The following ATP9B variants were observed in gnomAD, a reference collection of about 807,000 sequenced individuals.
ATP9B encodes the protein probable phospholipid-transporting ATPase IIB.
A neutral mutation model predicts 146.1 loss-of-function variants in ATP9B; 110 were observed. The ratio of observed to expected loss-of-function variants is 0.75; its 90% CI spans 0.65 to 0.88. The LOEUF (loss-of-function observed/expected upper bound fraction) is 0.88, where lower values mean the gene tolerates loss of function less well. ATP9B is among the 40% of genes least tolerant of loss of function. ATP9B has a pLI of 0.00. For synonymous variants in ATP9B, 604 were observed against 569.7 expected (o/e 1.06, Z -0.86); for missense variants, 1,499 against 1,496.4 (o/e 1.00, Z -0.03).
At chr18:79,296,226 G>A (rs527411603) in intron 13 of ATP9B, among the ~76,000 whole-genome samples, 68 of 152,174 alleles carry the variant, frequency 4.5e-4, no homozygotes, top group Non-Finnish European at 7.1e-4. Flanking sequence ...GTGTTGCTCA[G>A]GCTGGTCTTG....
chr18:79,250,887 A>G (rs2096016144), intron 11 of ATP9B, among the ~76,000 whole-genome samples: 1 of 152,170 alleles, frequency 6.6e-6, no homozygotes, highest in South Asian at 2.1e-4. Flanking sequence ...GAGCTCCGAG[A>G]TGCTGCTGTG....
chr18:79,337,764 G>T (rs576798891), intron 19 of ATP9B, among the ~76,000 whole-genome samples: 27 of 152,336 alleles, frequency 1.8e-4, no homozygotes, highest in African/African-American at 6.5e-4. Context: ...CCCAGGGATG[G>T]TTATGCACCC....
chr18:79,126,961 T>G (rs373815441), intron 5 of ATP9B, among the ~76,000 whole-genome samples: 1 of 151,824 alleles, frequency 6.6e-6, no homozygotes, highest in Non-Finnish European at 1.5e-5. Context: ...AAGAAGAGAG[T>G]GGGGGAAACG....
At position 79,327,674 on chromosome 18, in the gene ATP9B, G is replaced by A. The variant is rs568836081; in HGVS notation, c.1774-1467G>A. Among the ~76,000 whole-genome samples the A allele has an allele frequency of 1.7e-3, 244 of 140,756 alleles. 5 individuals carry two copies. The highest frequency in any genetic ancestry group is 2.7e-3 in the Non-Finnish European group (177 of 65,138). The allele number at this position is 140,756 out of a possible 152,430, so 92.3% of individuals were successfully genotyped here. On this transcript the variant is annotated intron_variant, in intron 15 of 29. Coordinates refer to ENST00000426216, the MANE Select transcript of ATP9B (RefSeq NM_198531.5). ...GCTCTCCGTGTTTAGCGTGCTCTCC[G>A]TGGTTAGCGTGCTCTCCGTGGTTAG...
At chr18:79,351,383 G>A (rs7235858) in intron 25 of ATP9B, among the ~76,000 whole-genome samples, 30,418 of 152,118 alleles carry the variant, frequency 0.2, 3,252 homozygotes, top group African/African-American at 0.28. Flanking sequence ...CTGAGTGTCC[G>A]TCACAAAAGA....
At chr18:79,233,264 C>T (rs1479248712) in intron 11 of ATP9B, among the ~76,000 whole-genome samples, 1 of 152,006 alleles carries the variant, frequency 6.6e-6, no homozygotes, top group African/African-American at 2.4e-5. Flanking sequence ...TGCACTCCAC[C>T]TGGGCAACAG....
At chr18:79,200,443 TGAAGAA>T (rs1404700428) in intron 9 of ATP9B, among the ~76,000 whole-genome samples, 1 of 152,214 alleles carries the variant, frequency 6.6e-6, no homozygotes, top group African/African-American at 2.4e-5. Context: ...ACTATAGTGT[TGAAGAA>T]CACTATTCAT....
intron 8 of ATP9B, among the ~76,000 whole-genome samples, chr18:79,190,063 C>T (rs952247949): frequency 1.3e-5 from 2 of 152,076 alleles, no homozygotes; most frequent in African/African-American, 2.4e-5. Context: ...GGAGGGGCTG[C>T]GACACGATTC....
intron 11 of ATP9B, among the ~76,000 whole-genome samples, chr18:79,246,834 T>C (rs1304876269): frequency 6.6e-6 from 1 of 152,224 alleles, no homozygotes; most frequent in African/African-American, 2.4e-5. Context: ...ATCGGCAGTG[T>C]AGTGACTCCT....
chr18:79,236,832 A>T lies in ATP9B; in HGVS notation c.1108-16549A>T, dbSNP rs1156379524. ...GGTCCGTGCACGAGTCAGTGTCCACACCTGCCCCTTCCCCACTGTGTACAC... is the reference window on the plus strand; with the variant it reads ...GGTCCGTGCACGAGTCAGTGTCCACTCCTGCCCCTTCCCCACTGTGTACAC... On this transcript the variant is annotated intron_variant, in intron 11 of 29. Coordinates refer to ENST00000426216, the MANE Select transcript of ATP9B (RefSeq NM_198531.5). Among the ~76,000 whole-genome samples the T allele has an allele frequency of 2.5e-3, 329 of 129,166 alleles. 1 individual carries two copies. Among genetic ancestry groups the T allele is most frequent in the Non-Finnish European group, 4.2e-3 (257 of 61,072 alleles). 84.7% of individuals were successfully genotyped at this position (129,166 alleles called of 152,430 possible).
At chr18:79,176,028 A>G (rs1007455961) in intron 7 of ATP9B, among the ~76,000 whole-genome samples, 3 of 152,184 alleles carry the variant, frequency 2.0e-5, no homozygotes, top group Non-Finnish European at 2.9e-5. Flanking sequence ...TTCACAATCT[A>G]TATCCTAGAG....
chr18:79,215,512 C>A (rs1026848112), intron 11 of ATP9B, among the ~76,000 whole-genome samples: 4 of 138,694 alleles, frequency 2.9e-5, no homozygotes, highest in South Asian at 2.1e-4. Context: ...TTTAGACTTA[C>A]ATTGCAGTTT....
At chr18:79,253,286 G>GTT in intron 11 of ATP9B, 95 bp from the exon 12 acceptor site, 151 of 1,064,432 alleles carry the variant, frequency 1.4e-4, no homozygotes, top group Middle Eastern at 4.5e-4. Flanking sequence ...AAATTTTAAA[G>GTT]TTTTTTTTTT....
At chr18:79,367,090 G>T (rs1409750231) in intron 26 of ATP9B, among the ~76,000 whole-genome samples, 1 of 145,584 alleles carries the variant, frequency 6.9e-6, no homozygotes, top group Non-Finnish European at 1.5e-5. Context: ...TGTACGCAGA[G>T]AAAGTGCCTC....
At chr18:79,165,558 C>G (rs994028571) in intron 7 of ATP9B, among the ~76,000 whole-genome samples, 1 of 152,216 alleles carries the variant, frequency 6.6e-6, no homozygotes, top group South Asian at 2.1e-4. Context: ...ATTAACCTTA[C>G]TTGTTCAGTT....
At chr18:79,209,557 T>C (rs1026975799) in intron 10 of ATP9B, 19 of 617,846 alleles carry the variant, frequency 3.1e-5, no homozygotes, top group Middle Eastern at 1.6e-3. Flanking sequence ...GTTCTCTTGA[T>C]GACCTTGGCA....
At chr18:79,100,290 G>A (rs563833611) in intron 2 of ATP9B, among the ~76,000 whole-genome samples, 11 of 152,298 alleles carry the variant, frequency 7.2e-5, no homozygotes, top group African/African-American at 2.4e-4. Flanking sequence ...ATAGTTGTTG[G>A]TTGTCTAGTT....
rs1398478488 is a variant in ATP9B, at chr18:79,359,334, C to G, written c.2904-20C>G. On this transcript the variant is annotated intron_variant, in intron 25 of 29. Coordinates refer to ENST00000426216, the MANE Select transcript of ATP9B (RefSeq NM_198531.5). The stretch of plus-strand genomic sequence containing the variant: ...GTAGAAGTTTCTCACGCCCATTGCA[C>G]TCCGCTCTTGGTCTTGCAGGTATGC... 3 of 1,579,812 alleles carry G rather than the reference C, an allele frequency of 1.9e-6. No individual in the cohort carries two copies. Among genetic ancestry groups the G allele is most frequent in the Admixed American group, 1.7e-5 (1 of 59,824 alleles).
At chr18:79,359,665 A>G in intron 26 of ATP9B, 2 of 558,228 alleles carry the variant, frequency 3.6e-6, no homozygotes, top group South Asian at 2.1e-5. Flanking sequence ...AAAACATCTC[A>G]GGGAAAAAAA....
Sources: gnomAD v4.1 joint callset for allele counts (sites outside exome capture counted in the v4.1 genomes callset) on GRCh38, gnomAD v4.1.1 for gene constraint, MANE v1.5 for transcripts, NCBI Gene and HGNC (gene_info 2026-07-23, HGNC 2026-07-21) for gene names.